AJAP1: variants seen among roughly 807,000 people sequenced by gnomAD.
AJAP1 encodes the protein adherens junctions associated protein 1.
Under a neutral mutation model 35.0 loss-of-function variants are expected in AJAP1, and 5 were observed. The ratio of observed to expected loss-of-function variants is 0.14; its 90% confidence interval spans 0.07 to 0.30. AJAP1 has a LOEUF of 0.30. AJAP1 is among the 10% of genes least tolerant of loss of function. The pLI, the probability that AJAP1 is intolerant of heterozygous loss-of-function variation, is 1.00. For missense variants in AJAP1, 586 were observed against 571.0 expected, an observed-to-expected ratio of 1.03 and a Z score of -0.27; for synonymous variants, 284 against 249.3, an observed-to-expected ratio of 1.14 and a Z score of -1.31.
chr1:4,773,546 T>G (rs1183435353), intron 4 of AJAP1, among the ~76,000 whole-genome samples: 3 of 152,238 alleles, frequency 2.0e-5, no homozygotes, highest in Non-Finnish European at 4.4e-5. Context: ...GTCTTAGACG[T>G]TCCCTTCCCT....
At chr1:4,728,975 G>T (rs1276020639) in intron 2 of AJAP1, among the ~76,000 whole-genome samples, 1 of 152,144 alleles carries the variant, frequency 6.6e-6, no homozygotes, top group Non-Finnish European at 1.5e-5. Flanking sequence ...ATTATCCCCT[G>T]AGGCTCTGTA....
chr1:4,772,588 G>A (rs1641861621), intron 4 of AJAP1, 63 bp downstream of exon 4: 8 of 1,587,206 alleles, frequency 5.0e-6, no homozygotes, highest in Non-Finnish European at 5.2e-6. Flanking sequence ...ACCCCCGGGG[G>A]CCGGTGTGGC....
chr1:4,748,946 G>C (rs1026219243), intron 2 of AJAP1, among the ~76,000 whole-genome samples: 4 of 152,112 alleles, frequency 2.6e-5, no homozygotes, highest in African/African-American at 2.4e-5. Flanking sequence ...TTCTAGAACT[G>C]TGAGAAATAA....
In AJAP1 at chr1:4,782,813, A is replaced by C; in HGVS notation, c.*328A>C. On this transcript the variant is annotated 3_prime_UTR_variant, in exon 6 of 6. Coordinates refer to ENST00000378191, the MANE Select transcript of AJAP1 (RefSeq NM_018836.4). This position sits in a 1 kb window ranked among gnomAD's most constrained non-coding sequence, Gnocchi z 5.3. ...CAGAGGCAGAGAGACGAGGATACCC[A>C]GCGAAAGGGACGGGAGGAAGCATCC... The C allele has an allele frequency of 2.5e-6, 1 of 398,710 alleles. No individual in the cohort carries two copies. The highest frequency in any genetic ancestry group is 4.4e-6 in the Non-Finnish European group (1 of 226,100). The allele number at this position is 398,710 out of a possible 1,614,324, so 24.7% of individuals were successfully genotyped here. A position where few individuals can be genotyped will look rare whatever the true frequency, so the allele number is the denominator to read the frequency against.
chr1:4,730,199 C>A (rs1275342711), intron 2 of AJAP1, among the ~76,000 whole-genome samples: 1 of 152,208 alleles, frequency 6.6e-6, no homozygotes, highest in Non-Finnish European at 1.5e-5. Context: ...GATTGCTAAT[C>A]GTTTATTTAA....
chr1:4,692,407 A>C lies in AJAP1; in HGVS notation c.30-19493A>C, dbSNP rs944995716. Among the ~76,000 whole-genome samples the C allele has an allele frequency of 6.6e-5, 10 of 152,130 alleles. No homozygotes were observed. The highest frequency in any genetic ancestry group is 1.5e-4 in the Non-Finnish European group (10 of 68,020). The stretch of plus-strand genomic sequence containing the variant: ...GGGGGCACGTCTGAGGGTGCAGCAG[A>C]GGGATATAGCCTCCGTGGGACTCAT... On this transcript the variant is annotated intron_variant, in intron 1 of 5. Transcript: ENST00000378191. This position sits in a 1 kb window ranked among gnomAD's most constrained non-coding sequence, Gnocchi z 4.4.
rs926572946 is a variant in AJAP1, at chr1:4,784,927, G to C, written c.*2442G>C. 6.5e-6 allele frequency: 1 copy of C among 152,716 alleles called. No individual in the cohort carries two copies. The highest frequency in any genetic ancestry group is 1.5e-5 in the Non-Finnish European group (1 of 68,364). 9.5% of individuals were successfully genotyped at this position (152,716 alleles called of 1,614,324 possible). On this transcript the variant is annotated 3_prime_UTR_variant, in exon 6 of 6. Coordinates refer to ENST00000378191, the MANE Select transcript of AJAP1 (RefSeq NM_018836.4). ...ACTCCAGGTGAGCACAGCGTGGTGC[G>C]AGTGCATGGTGAGGGCTGGCGGCGG... is the stretch of plus-strand genomic sequence containing the variant.
chr1:4,780,635 T>TTC (rs1205729712), intron 5 of AJAP1, among the ~76,000 whole-genome samples: 3 of 145,736 alleles, frequency 2.1e-5, no homozygotes, highest in Non-Finnish European at 4.5e-5. Context: ...CTTTCTTTCT[T>TTC]TTTTTTTTTT....
intron 2 of AJAP1, among the ~76,000 whole-genome samples, chr1:4,745,780 C>G (rs1052243884): frequency 6.6e-6 from 1 of 152,170 alleles, no homozygotes; most frequent in African/African-American, 2.4e-5. Flanking sequence ...GCAGCGCTTC[C>G]TCTCCAAGGC....
At position 4,789,812 on chromosome 1, in the gene AJAP1, G is replaced by GTT. The variant is rs1642222996; in HGVS notation, c.*7330_*7331dup. 6.6e-6 allele frequency: 1 copy of GTT among 152,290 alleles called. No individual in the cohort carries two copies. Among genetic ancestry groups the GTT allele is most frequent in the Admixed American group, 6.5e-5 (1 of 15,270 alleles). 9.4% of individuals were successfully genotyped at this position (152,290 alleles called of 1,614,324 possible). A position where few individuals can be genotyped will look rare whatever the true frequency, so the allele number is the denominator to read the frequency against. On this transcript the variant is annotated 3_prime_UTR_variant, in exon 6 of 6. Coordinates refer to ENST00000378191, the MANE Select transcript of AJAP1 (RefSeq NM_018836.4). The surrounding 1 kb of genome is among the most constrained non-coding windows in gnomAD (Gnocchi z 4.4). ...TTTTTGTTTTGTTTTGTTTTGTTTT[G>GTT]TTTTCGGCACCATTATGTACGATGA...
rs575770593 is a variant in AJAP1 at position 4,670,059 on chromosome 1, G to A, written c.29+14605G>A. 1.4e-4 allele frequency among the ~76,000 whole-genome samples: 21 copies of A among 152,212 alleles called. 1 individual carries two copies. In the South Asian group the frequency reaches 3.7e-3, roughly 27 times the overall value. ...GCCTCAGTTTTCTCATCTGAAAAAC[G>A]GGGATGTCACTCAGCCCTGCACAGG... On this transcript the variant is annotated intron_variant, in intron 1 of 5. Transcript: ENST00000378191.
At chr1:4,668,655 G>T (rs150310350) in intron 1 of AJAP1, among the ~76,000 whole-genome samples, 1 of 152,166 alleles carries the variant, frequency 6.6e-6, no homozygotes, top group Non-Finnish European at 1.5e-5. Context: ...GGCTCTGGTG[G>T]CTCAGTCCTG....
At chr1:4,660,049 C>A (rs745807172) in intron 1 of AJAP1, among the ~76,000 whole-genome samples, 10 of 152,240 alleles carry the variant, frequency 6.6e-5, no homozygotes, top group Non-Finnish European at 2.9e-5. Flanking sequence ...ATGGGGCAGC[C>A]CTGTTCTGCA....
intron 1 of AJAP1, among the ~76,000 whole-genome samples, chr1:4,674,514 C>T (rs1477094034): frequency 2.6e-5 from 4 of 152,224 alleles, no homozygotes. Context: ...CAAAGGTCAA[C>T]GACCCCTGCT....
At position 4,723,880 on chromosome 1, in the gene AJAP1, G is replaced by A. The variant is rs749271468; in HGVS notation, c.829+11181G>A. On this transcript the variant is annotated intron_variant, in intron 2 of 5. Transcript: ENST00000378191. The surrounding 1 kb of genome is among the most constrained non-coding windows in gnomAD (Gnocchi z 4.3). Reference sequence around the variant, plus strand: ...TGGAAATGGACAATGTGGCAGGGACGGAGGAACGGGGACAATACAGAAGCC... The same window carrying A: ...TGGAAATGGACAATGTGGCAGGGACAGAGGAACGGGGACAATACAGAAGCC... Among the ~76,000 whole-genome samples, 60 of 152,246 alleles carry A rather than the reference G, an allele frequency of 3.9e-4. No individual in the cohort carries two copies. The highest frequency in any genetic ancestry group is 3.4e-3 in the Middle Eastern group (1 of 294).
chr1:4,740,533 C>G (rs1303905615), intron 2 of AJAP1, among the ~76,000 whole-genome samples: 1 of 151,930 alleles, frequency 6.6e-6, no homozygotes, highest in Non-Finnish European at 1.5e-5. Flanking sequence ...CGCCTGTCAT[C>G]CCAGCACTTT....
At chr1:4,742,608 G>A (rs908879368) in intron 2 of AJAP1, among the ~76,000 whole-genome samples, 5 of 152,004 alleles carry the variant, frequency 3.3e-5, no homozygotes, top group Non-Finnish European at 7.4e-5. Context: ...CTCGAAGTTC[G>A]AAATTTTTTT....
chr1:4,708,036 C>T (rs1268552334), intron 1 of AJAP1, among the ~76,000 whole-genome samples: 6 of 148,896 alleles, frequency 4.0e-5, no homozygotes, highest in East Asian at 4.0e-4. Flanking sequence ...GGCATGATCT[C>T]GGCTCACTGC....
chr1:4,791,364 A>G lies in AJAP1; in HGVS notation c.*8879A>G, dbSNP rs1173255249. 6.6e-6 allele frequency: 1 copy of G among 152,226 alleles called. No individual in the cohort carries two copies. The highest frequency in any genetic ancestry group is 1.5e-5 in the Non-Finnish European group (1 of 68,042). The allele number at this position is 152,226 out of a possible 1,614,324, so 9.4% of individuals were successfully genotyped here. ...AAGGAACACATGTTTACTACAAACCATTTAGAAAATACCAATAACCAAACA... is the reference window on the plus strand; with the variant it reads ...AAGGAACACATGTTTACTACAAACCGTTTAGAAAATACCAATAACCAAACA... On this transcript the variant is annotated 3_prime_UTR_variant, in exon 6 of 6. Transcript: ENST00000378191.
Sources: gnomAD v4.1 joint callset for allele counts (sites outside exome capture counted in the v4.1 genomes callset) on GRCh38, gnomAD v4.1.1 for gene constraint, Gnocchi (gnomAD v3.1) non-coding constraint, MANE v1.5 for transcripts, NCBI Gene and HGNC (gene_info 2026-07-23, HGNC 2026-07-21) for gene names.